Variants in FAAH2 observed in about 807,000 individuals in gnomAD.
FAAH2 encodes the protein fatty-acid amide hydrolase 2.
Under a neutral mutation model 36.9 loss-of-function variants are expected in FAAH2, and 60 were observed. The ratio of observed to expected loss-of-function variants is 1.63; its 90% CI spans 1.32 to 2.02. The LOEUF (loss-of-function observed/expected upper bound fraction) is 2.02. FAAH2 is among the 30% of genes most tolerant of loss of function. The probability of loss-of-function intolerance (pLI) is 0.00; values close to 1 mark genes in which losing one functional copy is unlikely to be tolerated. For missense variants in FAAH2, 689 were observed against 397.5 expected (o/e 1.73, Z -6.23); for synonymous variants, 214 against 143.8 (o/e 1.49, Z -3.49).
At chrX:57,276,494 T>G in the FAAH2 span, among the ~76,000 whole-genome samples, 3 of 111,409 alleles carry the variant, frequency 2.7e-5, no homozygotes, top group Non-Finnish European at 5.7e-5. Context: ...ATCAGCACCC[T>G]AACACCACAG....
the FAAH2 span, among the ~76,000 whole-genome samples, chrX:57,233,802 C>T: frequency 0.37 from 40,799 of 111,408 alleles, 6,326 homozygotes; most frequent in Middle Eastern, 0.61. Context: ...ACCACGCTGG[C>T]TAATTTTTAT....
chrX:57,238,195 G>T, the FAAH2 span, among the ~76,000 whole-genome samples: 1 of 111,682 alleles, frequency 9.0e-6, no homozygotes, highest in Non-Finnish European at 1.9e-5. Context: ...ACATATGAAT[G>T]CTTATGTTCA....
At chrX:57,329,814 G>A (rs770345062) in intron 3 of FAAH2, among the ~76,000 whole-genome samples, 75 of 111,529 alleles carry the variant, frequency 6.7e-4, no homozygotes, top group African/African-American at 2.3e-3. Context: ...TGAAGATTTC[G>A]TGGACATTTA....
intron 7 of FAAH2, chrX:57,395,281 C>G (rs562475087): frequency 1.5e-6 from 1 of 658,929 alleles, no homozygotes; most frequent in South Asian, 2.1e-5. Context: ...TCTCTGTTGC[C>G]AACCTGTAAT....
the FAAH2 span, among the ~76,000 whole-genome samples, chrX:57,275,259 G>A: frequency 1.8e-5 from 2 of 112,220 alleles, no homozygotes; most frequent in African/African-American, 3.2e-5. Context: ...TAAAAGAGGA[G>A]AGAAACAAAC....
chrX:57,254,768 TA>T, the FAAH2 span, among the ~76,000 whole-genome samples: 1 of 111,745 alleles, frequency 8.9e-6, no homozygotes, highest in Non-Finnish European at 1.9e-5. Flanking sequence ...GGGGCACATT[TA>T]AAGCAGTGTG....
the FAAH2 span, among the ~76,000 whole-genome samples, chrX:57,269,037 A>C: frequency 8.9e-6 from 1 of 111,844 alleles, no homozygotes; most frequent in Non-Finnish European, 1.9e-5. Flanking sequence ...AAAAGGAGGA[A>C]AATCTATCAA....
the FAAH2 span, among the ~76,000 whole-genome samples, chrX:57,189,463 C>A: frequency 9.1e-5 from 10 of 109,556 alleles, no homozygotes; most frequent in South Asian, 3.6e-3. Flanking sequence ...GGAGAAGAGG[C>A]ATTCTGGTTC....
intron 7 of FAAH2, among the ~76,000 whole-genome samples, 155 bp from the exon 8 acceptor site, chrX:57,431,763 G>GTTTTTGTT (rs1569340515): frequency 2.2e-4 from 3 of 13,655 alleles, no homozygotes; most frequent in African/African-American, 2.5e-4. Context: ...TTTTGTTTTT[G>GTTTTTGTT]TTTTTTTGTT....
chrX:57,443,742 G>T (rs765421212), intron 8 of FAAH2, among the ~76,000 whole-genome samples: 1 of 111,744 alleles, frequency 8.9e-6, no homozygotes, highest in South Asian at 3.7e-4. Context: ...CATCTTTGTG[G>T]TTTTATCTAC....
intron 10 of FAAH2, among the ~76,000 whole-genome samples, chrX:57,483,665 C>T (rs1044140334): frequency 1.8e-5 from 2 of 109,463 alleles, no homozygotes; most frequent in Non-Finnish European, 3.8e-5. Context: ...TATTTTTGTT[C>T]AGATGGTATT....
chrX:57,396,322 A>G (rs766375222), intron 7 of FAAH2, among the ~76,000 whole-genome samples: 170 of 105,615 alleles, frequency 1.6e-3, no homozygotes, highest in Middle Eastern at 9.9e-3. Flanking sequence ...AATTTCATTT[A>G]GTGCTGCTTT....
chrX:57,216,596 A>G, the FAAH2 span, among the ~76,000 whole-genome samples: 1 of 2,857 alleles, frequency 3.5e-4, no homozygotes, highest in Non-Finnish European at 1.2e-3. Flanking sequence ...ATGTATATAT[A>G]TGTATATATA....
At chrX:57,454,741 C>T (rs1171094647) in intron 10 of FAAH2, among the ~76,000 whole-genome samples, 2 of 111,056 alleles carry the variant, frequency 1.8e-5, no homozygotes, top group Non-Finnish European at 3.8e-5. Flanking sequence ...TCAACTCAGT[C>T]AGACAAAAAT....
the FAAH2 span, among the ~76,000 whole-genome samples, chrX:57,214,961 G>C: frequency 9.1e-6 from 1 of 110,211 alleles, no homozygotes; most frequent in Non-Finnish European, 1.9e-5. Context: ...TGACAAATGG[G>C]ATCTAATTAA....
Position 57,431,968 on chromosome X carries a change from A to G in FAAH2, c.1047A>G (p.Lys349=), listed in dbSNP as rs1422168499. The change falls in exon 8 of 11, where the codon AAA becomes AAG. Residue 349 remains lysine (K), a synonymous_variant. Coordinates refer to ENST00000374900, the MANE Select transcript of FAAH2 (RefSeq NM_174912.4). ...TILGASVQHV[K]LKKMKYSFQL... ...TAGGAGCCTCAGTTCAACATGTTAA[A>G]CTGAAGAAAATGAAGTACTCTTTTC... is the stretch of plus-strand genomic sequence containing the variant. The G allele has an allele frequency of 1.7e-6, 2 of 1,205,378 alleles. No homozygotes were observed. Among genetic ancestry groups the G allele is most frequent in the Admixed American group, 2.2e-5 (1 of 45,579 alleles).
the FAAH2 span, among the ~76,000 whole-genome samples, chrX:57,275,489 A>G: frequency 2.7e-5 from 3 of 112,225 alleles, no homozygotes; most frequent in Non-Finnish European, 3.8e-5. Context: ...TGTAAAGACC[A>G]TCGATGCTAG....
chrX:57,478,573 C>T (rs1284667912), intron 10 of FAAH2, among the ~76,000 whole-genome samples: 1 of 111,608 alleles, frequency 9.0e-6, no homozygotes, highest in Non-Finnish European at 1.9e-5. Flanking sequence ...ATGCCTATGT[C>T]CTGAATGGTA....
chrX:57,406,235 C>A (rs1447722799), intron 7 of FAAH2, among the ~76,000 whole-genome samples: 1 of 112,142 alleles, frequency 8.9e-6, no homozygotes, highest in African/African-American at 3.2e-5. Flanking sequence ...TGTGTCGTGG[C>A]TTTCTCAAAT....
Sources: allele counts gnomAD v4.1 joint callset (sites outside exome capture counted in the v4.1 genomes callset), GRCh38; gene constraint gnomAD v4.1.1; transcripts MANE v1.5; gene names NCBI Gene and HGNC (gene_info 2026-07-23, HGNC 2026-07-21).